The following UBE2E1 variants were observed in gnomAD, a reference collection of about 807,000 sequenced individuals.
UBE2E1 encodes ubiquitin conjugating enzyme E2 E1.
UBE2E1 carries 6 observed loss-of-function variants against 21.4 expected under a neutral mutation model. The observed-to-expected ratio is 0.28, with a 90% CI of 0.15 to 0.55. The LOEUF is 0.55. Ranked by LOEUF, UBE2E1 falls within the 20% of genes least tolerant of loss-of-function variation. The pLI is 0.93. For synonymous variants in UBE2E1, 87 were observed against 82.7 expected, an observed-to-expected ratio of 1.05 and a Z score of -0.28; for missense variants, 142 against 236.5, an observed-to-expected ratio of 0.60 and a Z score of 2.62.
chr3:23,837,279 T>C (rs1699992090), intron 3 of UBE2E1, among the ~76,000 whole-genome samples: 1 of 152,198 alleles, frequency 6.6e-6, no homozygotes, highest in African/African-American at 2.4e-5. Context: ...TTGCCTGTGA[T>C]CATAAAGCTA....
chr3:23,813,819 G>A (rs1699453541), intron 3 of UBE2E1, among the ~76,000 whole-genome samples: 1 of 152,212 alleles, frequency 6.6e-6, no homozygotes, highest in South Asian at 2.1e-4. Flanking sequence ...GGGGTTACGG[G>A]CGTGAGCCAC....
intron 3 of UBE2E1, among the ~76,000 whole-genome samples, chr3:23,862,914 C>CA (rs1240148773): frequency 6.6e-6 from 1 of 152,062 alleles, no homozygotes; most frequent in Non-Finnish European, 1.5e-5. Context: ...TTTGTAGAGA[C>CA]AGGGTTTCCC....
At chr3:23,835,036 T>G (rs1401135367) in intron 3 of UBE2E1, among the ~76,000 whole-genome samples, 1 of 152,214 alleles carries the variant, frequency 6.6e-6, no homozygotes, top group Non-Finnish European at 1.5e-5. Flanking sequence ...ACGGGACTAA[T>G]TGTACAATAT....
At chr3:23,882,861 A>C (rs1701084423) in intron 3 of UBE2E1, among the ~76,000 whole-genome samples, 1 of 152,132 alleles carries the variant, frequency 6.6e-6, no homozygotes, top group South Asian at 2.1e-4. Flanking sequence ...GCCCACCCGG[A>C]ACTCTCGCTG....
At chr3:23,811,358 G>A in intron 2 of UBE2E1, 102 bp from the exon 3 acceptor site, 4 of 1,088,822 alleles carry the variant, frequency 3.7e-6, no homozygotes, top group Non-Finnish European at 5.6e-6. Flanking sequence ...GTAGAATCCA[G>A]TGATCGCGCT....
chr3:23,811,543 A>T (rs1205025348), intron 3 of UBE2E1, 33 bp downstream of exon 3: 2 of 1,598,658 alleles, frequency 1.3e-6, no homozygotes, highest in Admixed American at 3.3e-5. Flanking sequence ...TCCATTTTTA[A>T]AATTCTTCTA....
chr3:23,855,589 G>A (rs1700416628), intron 3 of UBE2E1, among the ~76,000 whole-genome samples: 1 of 152,116 alleles, frequency 6.6e-6, no homozygotes, highest in African/African-American at 2.4e-5. Flanking sequence ...CAGCACTTTG[G>A]GAGGCCGAGG....
At chr3:23,874,981 C>CG (rs1700885812) in intron 3 of UBE2E1, among the ~76,000 whole-genome samples, 2 of 152,174 alleles carry the variant, frequency 1.3e-5, no homozygotes, top group African/African-American at 4.8e-5. Context: ...CCTCATTCAG[C>CG]CATCCCTAGT....
At position 23,891,489 on chromosome 3, in the gene UBE2E1, G is replaced by C. The variant is rs75107708; in HGVS notation, c.*883G>C. On this transcript the variant is annotated 3_prime_UTR_variant, in exon 6 of 6. Coordinates refer to ENST00000306627, the MANE Select transcript of UBE2E1 (RefSeq NM_003341.5). ...ACACAGCTGTAGATGAGGTATCCTAGAAAAGGTTAAATAATCTACCCCATT... is the reference window on the plus strand; with the variant it reads ...ACACAGCTGTAGATGAGGTATCCTACAAAAGGTTAAATAATCTACCCCATT... Among the ~76,000 whole-genome samples the C allele has an allele frequency of 1.0e-3, 156 of 152,288 alleles. 1 individual carries two copies. Among genetic ancestry groups the C allele is most frequent in the Non-Finnish European group, 1.9e-3 (130 of 68,006 alleles).
intron 3 of UBE2E1, among the ~76,000 whole-genome samples, chr3:23,812,318 A>G (rs1699412825): frequency 6.6e-6 from 1 of 152,206 alleles, no homozygotes; most frequent in Non-Finnish European, 1.5e-5. Flanking sequence ...ATAACATTTA[A>G]CCTAGTTCTC....
rs1310243047 is a variant in UBE2E1 at position 23,870,288 on chromosome 3, TAAAA to T, written c.204-17275_204-17272del. On this transcript the variant is annotated intron_variant, in intron 3 of 5. Coordinates refer to ENST00000306627, the MANE Select transcript of UBE2E1 (RefSeq NM_003341.5). This position sits in a 1 kb window ranked among gnomAD's most constrained non-coding sequence, Gnocchi z 4.2. ...CCGGGGGGACCATAGCTCCTTTTTTTAAAAAAAGGAGCCAGTTGTGAAGTCACAC... is the reference window on the plus strand; with the variant it reads ...CCGGGGGGACCATAGCTCCTTTTTTTAAAGGAGCCAGTTGTGAAGTCACAC... 1.3e-5 allele frequency among the ~76,000 whole-genome samples: 2 copies of T among 152,128 alleles called. No individual in the cohort carries two copies. The highest frequency in any genetic ancestry group is 4.1e-4 in the South Asian group (2 of 4,822).
In UBE2E1 at chr3:23,887,461, C is replaced by T; in HGVS notation, c.204-106C>T. 7.1e-7 allele frequency: 1 copy of T among 1,415,698 alleles called. No individual in the cohort carries two copies. 87.7% of individuals were successfully genotyped at this position (1,415,698 alleles called of 1,614,324 possible). On this transcript the variant is annotated intron_variant, in intron 3 of 5. Transcript: ENST00000306627. The surrounding 1 kb of genome is among the most constrained non-coding windows in gnomAD (Gnocchi z 4.4). ...ACTTGTTTTGTAAAGAGAATCCACACAGTAAACAAAAGAGAGGAGAGAGGT... is the reference window on the plus strand; with the variant it reads ...ACTTGTTTTGTAAAGAGAATCCACATAGTAAACAAAAGAGAGGAGAGAGGT...
At chr3:23,814,244 A>C (rs565911719) in intron 3 of UBE2E1, among the ~76,000 whole-genome samples, 6 of 152,334 alleles carry the variant, frequency 3.9e-5, no homozygotes, top group African/African-American at 1.4e-4. Flanking sequence ...GGCACTTGGC[A>C]AAAATATTTG....
chr3:23,824,655 G>A (rs1699717525), intron 3 of UBE2E1, among the ~76,000 whole-genome samples: 1 of 152,230 alleles, frequency 6.6e-6, no homozygotes, highest in African/African-American at 2.4e-5. Context: ...CCTTTGACCT[G>A]AAGATGCGTA....
chr3:23,885,713 A>G (rs144947202), intron 3 of UBE2E1, among the ~76,000 whole-genome samples: 3 of 152,106 alleles, frequency 2.0e-5, no homozygotes, highest in Non-Finnish European at 2.9e-5. Flanking sequence ...ATACAAAATT[A>G]GCCAGGCATA....
chr3:23,854,457 T>G lies in UBE2E1; in HGVS notation c.204-33110T>G, dbSNP rs143649218. 9.8e-5 allele frequency among the ~76,000 whole-genome samples: 15 copies of G among 152,294 alleles called. No individual in the cohort carries two copies. In the East Asian group the frequency reaches 2.9e-3, roughly 29 times the overall value. ...TGAAGTCAACCCAAAATTGAGGGGT[T>G]AGTGAGAAACTCTTAATGACACTGT... On this transcript the variant is annotated intron_variant, in intron 3 of 5. Coordinates refer to ENST00000306627, the MANE Select transcript of UBE2E1 (RefSeq NM_003341.5).
At chr3:23,834,295 T>G (rs1015782885) in intron 3 of UBE2E1, among the ~76,000 whole-genome samples, 2 of 152,230 alleles carry the variant, frequency 1.3e-5, no homozygotes, top group East Asian at 3.8e-4. Flanking sequence ...GCAGCTTTAT[T>G]TTCTCATCTA....
chr3:23,873,724 C>T (rs1417207798), intron 3 of UBE2E1, among the ~76,000 whole-genome samples: 2 of 152,144 alleles, frequency 1.3e-5, no homozygotes, highest in South Asian at 4.1e-4. Flanking sequence ...CCAGCCTGGG[C>T]GACAGAGCGA....
chr3:23,814,208 G>C (rs956792139), intron 3 of UBE2E1, among the ~76,000 whole-genome samples: 1 of 152,086 alleles, frequency 6.6e-6, no homozygotes, highest in African/African-American at 2.4e-5. Context: ...TTGAAGGAAG[G>C]TGCACTGTTT....
Sources: allele counts gnomAD v4.1 joint callset (sites outside exome capture counted in the v4.1 genomes callset), GRCh38; gene constraint gnomAD v4.1.1; non-coding constraint Gnocchi (gnomAD v3.1); transcripts MANE v1.5; gene names NCBI Gene and HGNC (gene_info 2026-07-23, HGNC 2026-07-21).